Variants in ZNF322 observed in about 807,000 individuals in gnomAD.
ZNF322 encodes HLA complex group 12.
In ZNF322, 1 loss-of-function variant was observed where a neutral mutation model predicts 18.3. The observed-to-expected ratio is 0.05, with a 90% CI of 0.02 to 0.26. The LOEUF (loss-of-function observed/expected upper bound fraction) is 0.26. Among genes scored for constraint, ZNF322 ranks in the 10% least tolerant of loss-of-function variants. ZNF322 has a pLI of 1.00. For synonymous variants in ZNF322, 17 were observed against 130.7 expected, an observed-to-expected ratio of 0.13 and a Z score of 5.93; for missense variants, 36 against 403.6, an observed-to-expected ratio of 0.09 and a Z score of 7.80.
At chr6:26,641,402 G>A (rs1554148292) in intron 3 of ZNF322, among the ~76,000 whole-genome samples, 1 of 152,118 alleles carries the variant, frequency 6.6e-6, no homozygotes, top group Non-Finnish European at 1.5e-5. Flanking sequence ...AGGCTAACAA[G>A]AATAGGGAAG....
intron 2 of ZNF322, among the ~76,000 whole-genome samples, chr6:26,646,797 TTACAAGAAACAA>T (rs1765567184): frequency 6.6e-6 from 1 of 152,076 alleles, no homozygotes; most frequent in Non-Finnish European, 1.5e-5. Flanking sequence ...CAAAGAAACA[TTACAAGAAACAA>T]TCTGCAACAA....
At chr6:26,639,976 C>T (rs1006893946) in intron 3 of ZNF322, among the ~76,000 whole-genome samples, 1 of 152,170 alleles carries the variant, frequency 6.6e-6, no homozygotes, top group Non-Finnish European at 1.5e-5. Context: ...GCCTTTCCAT[C>T]TGTATACCCC....
intron 2 of ZNF322, among the ~76,000 whole-genome samples, chr6:26,657,647 G>C (rs1298223202): frequency 6.6e-6 from 1 of 152,080 alleles, no homozygotes; most frequent in Non-Finnish European, 1.5e-5. Context: ...TTAGGACTTA[G>C]TCTTTTGCTT....
intron 2 of ZNF322, among the ~76,000 whole-genome samples, chr6:26,652,771 G>A (rs576555949): frequency 1.1e-4 from 17 of 152,290 alleles, no homozygotes; most frequent in African/African-American, 4.1e-4. Flanking sequence ...TGGAGTTTGG[G>A]TGGCAATGAT....
At chr6:26,647,401 A>G (rs552101084) in intron 2 of ZNF322, among the ~76,000 whole-genome samples, 1 of 152,306 alleles carries the variant, frequency 6.6e-6, no homozygotes, top group Non-Finnish European at 1.5e-5. Context: ...TGTAAAACTT[A>G]AAGAAACAGA....
At chr6:26,653,650 T>TA (rs547511754) in intron 2 of ZNF322, among the ~76,000 whole-genome samples, 53 of 152,104 alleles carry the variant, frequency 3.5e-4, no homozygotes, top group African/African-American at 1.2e-3. Context: ...TGTAAGAAAG[T>TA]AAAAATAAAA....
chr6:26,641,758 A>T (rs1223958368), intron 3 of ZNF322, among the ~76,000 whole-genome samples: 1 of 152,216 alleles, frequency 6.6e-6, no homozygotes, highest in African/African-American at 2.4e-5. Context: ...TCCAGTCTCA[A>T]GTACCCAGGG....
At chr6:26,649,673 G>GTATATATA (rs1335031266) in intron 2 of ZNF322, among the ~76,000 whole-genome samples, 4 of 29,376 alleles carry the variant, frequency 1.4e-4, no homozygotes, top group African/African-American at 6.6e-4. Context: ...GTGTGTGTGT[G>GTATATATA]TGTATATATA....
chr6:26,645,121 T>G (rs960118388), intron 2 of ZNF322, among the ~76,000 whole-genome samples: 1 of 147,394 alleles, frequency 6.8e-6, no homozygotes, highest in African/African-American at 2.6e-5. Context: ...AAAACTGACT[T>G]AAATATGAAA....
chr6:26,648,454 T>G lies in ZNF322; in HGVS notation c.-245-4726A>C, dbSNP rs553427153. On this transcript the variant is annotated intron_variant, in intron 2 of 3. Coordinates refer to ENST00000415922, the MANE Select transcript of ZNF322 (RefSeq NM_024639.5). ...TCACTGACCTGGAAGTATTAATCAA[T>G]GCAATTAGAAAAATCAATTAGAGGT... Among the ~76,000 whole-genome samples the G allele has an allele frequency of 7.2e-5, 11 of 152,274 alleles. No individual in the cohort carries two copies. The East Asian group carries it at 2.1e-3, about 29-fold the overall frequency.
intron 2 of ZNF322, among the ~76,000 whole-genome samples, chr6:26,652,160 C>T (rs1554149255): frequency 3.3e-5 from 5 of 152,076 alleles, no homozygotes; most frequent in African/African-American, 1.2e-4. Context: ...GATACAACAA[C>T]AAAGGTATGA....
intron 2 of ZNF322, among the ~76,000 whole-genome samples, chr6:26,651,647 T>C (rs192494506): frequency 8.7e-4 from 133 of 152,320 alleles, no homozygotes; most frequent in African/African-American, 3.1e-3. Flanking sequence ...TAGCTTGATT[T>C]AGCCAGTCCA....
chr6:26,658,582 T>C lies in ZNF322; in HGVS notation c.-270A>G, dbSNP rs879979098. 6.0e-6 allele frequency: 1 copy of C among 166,498 alleles called. No homozygotes were observed. The highest frequency in any genetic ancestry group is 1.5e-5 in the Non-Finnish European group (1 of 68,116). 10.3% of individuals were successfully genotyped at this position (166,498 alleles called of 1,614,324 possible). On this transcript the variant is annotated 5_prime_UTR_variant, in exon 2 of 4. The change abolishes an upstream ATG in the 5' untranslated region. Transcript: ENST00000415922. ...CCGTAACAAGAAAGACTCAAGACCA[T>C]CTTCCTTTTGGTTTCAAAAGGTCTC... is the stretch of plus-strand genomic sequence containing the variant.
At chr6:26,642,239 C>T (rs1264919289) in intron 3 of ZNF322, among the ~76,000 whole-genome samples, 1 of 152,172 alleles carries the variant, frequency 6.6e-6, no homozygotes, top group Non-Finnish European at 1.5e-5. Flanking sequence ...TGACCCTCTC[C>T]CCACCATTAC....
At chr6:26,646,368 G>A (rs1765559901) in intron 2 of ZNF322, among the ~76,000 whole-genome samples, 2 of 152,110 alleles carry the variant, frequency 1.3e-5, no homozygotes, top group Admixed American at 6.5e-5. Context: ...GGTGGGAAAA[G>A]GAACACTAGG....
chr6:26,635,023 A>G lies in ZNF322; in HGVS notation c.*2322T>C, dbSNP rs1765330294. On this transcript the variant is annotated 3_prime_UTR_variant, in exon 4 of 4. Transcript: ENST00000415922. The stretch of plus-strand genomic sequence containing the variant: ...TATGATACAAGAGCTATTTCTAAAT[A>G]TTACAAAAACATGTCAGATCAAATA... 7.8e-6 allele frequency: 1 copy of G among 127,728 alleles called. No homozygotes were observed. Among genetic ancestry groups the G allele is most frequent in the South Asian group, 2.8e-4 (1 of 3,608 alleles). The allele number at this position is 127,728 out of a possible 1,614,324, so 7.9% of individuals were successfully genotyped here.
At position 26,657,560 on chromosome 6, in the gene ZNF322, T is replaced by C. The variant is rs113076542; in HGVS notation, c.-246+998A>G. Among the ~76,000 whole-genome samples the C allele has an allele frequency of 8.8e-3, 1,333 of 152,270 alleles. 9 individuals are homozygous for C. The highest frequency in any genetic ancestry group is 0.02 in the African/African-American group (817 of 41,576). ...ACATTTTATTTCTCTCCACAGCACT[T>C]ATCACCATTCAACTTTATGGTATAC... On this transcript the variant is annotated intron_variant, in intron 2 of 3. Coordinates refer to ENST00000415922, the MANE Select transcript of ZNF322 (RefSeq NM_024639.5).
At chr6:26,651,584 T>C (rs1180100411) in intron 2 of ZNF322, 4 of 152,124 alleles carry the variant, frequency 2.6e-5, no homozygotes, top group African/African-American at 9.7e-5. Flanking sequence ...TTGCTGACAG[T>C]AGATTTTATG....
At chr6:26,656,436 T>C (rs1554149696) in intron 2 of ZNF322, among the ~76,000 whole-genome samples, 1 of 152,242 alleles carries the variant, frequency 6.6e-6, no homozygotes, top group Admixed American at 6.5e-5. Context: ...ACCACTAACA[T>C]GTATTAAGCC....
Sources: gnomAD v4.1 joint callset for allele counts (sites outside exome capture counted in the v4.1 genomes callset) on GRCh38, gnomAD v4.1.1 for gene constraint, MANE v1.5 for transcripts, NCBI Gene and HGNC (gene_info 2026-07-23, HGNC 2026-07-21) for gene names.